The following PIGN variants were observed in gnomAD, a reference collection of about 807,000 sequenced individuals.
PIGN encodes GPI ethanolamine phosphate transferase 1.
Under a neutral mutation model 125.4 loss-of-function variants are expected in PIGN, and 117 were observed. The ratio of observed to expected loss-of-function variants is 0.93; its 90% CI spans 0.80 to 1.09. PIGN has a LOEUF of 1.09. Among genes scored for constraint, PIGN ranks in the 50% least tolerant of loss-of-function variants. The pLI, the probability that PIGN is intolerant of heterozygous loss-of-function variation, is 0.00. For synonymous variants in PIGN, 392 were observed against 377.8 expected, an observed-to-expected ratio of 1.04 and a Z score of -0.44; for missense variants, 1,075 against 1,094.9, an observed-to-expected ratio of 0.98 and a Z score of 0.26.
chr18:62,059,579 T>C (rs1212623296), intron 30 of PIGN, among the ~76,000 whole-genome samples: 1 of 152,212 alleles, frequency 6.6e-6, no homozygotes, highest in East Asian at 1.9e-4. Flanking sequence ...TTTCTGTTTA[T>C]ATGAAATGTC....
chr18:62,130,565 T>G (rs1032122756), intron 14 of PIGN, among the ~76,000 whole-genome samples: 1 of 152,162 alleles, frequency 6.6e-6, no homozygotes, highest in East Asian at 1.9e-4. Flanking sequence ...ATGAGTTGTC[T>G]TAATCTGTGC....
chr18:62,108,987 G>A (rs1348713667), intron 17 of PIGN, among the ~76,000 whole-genome samples: 3 of 152,252 alleles, frequency 2.0e-5, no homozygotes, highest in South Asian at 2.1e-4. Flanking sequence ...ATAGTGTCAC[G>A]ATGCACATGT....
intron 1 of PIGN, among the ~76,000 whole-genome samples, chr18:62,180,091 A>G (rs2037663193): frequency 6.6e-6 from 1 of 152,216 alleles, no homozygotes; most frequent in Admixed American, 6.5e-5. Context: ...GGAGATTTTT[A>G]GAATTTTTAC....
intron 30 of PIGN, among the ~76,000 whole-genome samples, chr18:62,064,870 G>A (rs1403880181): frequency 6.6e-6 from 1 of 151,820 alleles, no homozygotes; most frequent in Non-Finnish European, 1.5e-5. Context: ...GAGGAGAGAA[G>A]AGAAACATGG....
intron 1 of PIGN, among the ~76,000 whole-genome samples, chr18:62,166,119 G>A (rs923672994): frequency 1.3e-5 from 2 of 152,236 alleles, no homozygotes; most frequent in African/African-American, 4.8e-5. Context: ...AGGATAGCAA[G>A]AGGGGATGGA....
intron 19 of PIGN, among the ~76,000 whole-genome samples, chr18:62,106,380 G>GAA (rs5825476): frequency 1.2e-3 from 175 of 147,484 alleles, no homozygotes; most frequent in Admixed American, 1.5e-3. Context: ...TACTTATCCA[G>GAA]AAAAAAAAAA....
intron 14 of PIGN, among the ~76,000 whole-genome samples, chr18:62,116,426 C>A (rs1431875392): frequency 6.6e-6 from 1 of 152,176 alleles, no homozygotes; most frequent in East Asian, 1.9e-4. Flanking sequence ...CTATTGATGA[C>A]CCTCTGCTGC....
intron 14 of PIGN, among the ~76,000 whole-genome samples, chr18:62,120,305 G>T (rs1259306447): frequency 9.2e-5 from 14 of 152,156 alleles, no homozygotes; most frequent in Admixed American, 9.2e-4. Flanking sequence ...TTAAGTTTCT[G>T]AAAGAAAATA....
chr18:62,146,161 C>A, intron 9 of PIGN, 136 bp from the exon 10 acceptor site: 1 of 412,136 alleles, frequency 2.4e-6, no homozygotes, highest in Non-Finnish European at 4.4e-6. Context: ...CAAATGGTTA[C>A]AACCTTTTAT....
chr18:62,182,393 T>G (rs1251081478), intron 1 of PIGN, among the ~76,000 whole-genome samples: 1 of 152,190 alleles, frequency 6.6e-6, no homozygotes. Context: ...ACCTACTAAA[T>G]CCTTAGTGTT....
chr18:62,076,348 A>T (rs1026384973), intron 28 of PIGN, among the ~76,000 whole-genome samples: 1 of 152,048 alleles, frequency 6.6e-6, no homozygotes, highest in Non-Finnish European at 1.5e-5. Flanking sequence ...TAATTAAATT[A>T]TTTTTTTACT....
chr18:62,101,203 AGGTT>A lies in PIGN; in HGVS notation c.1969-24_1969-21del, dbSNP rs1401605296. ...CAGCACCTAAAGACAAAGATGAAAT[AGGTT>A]AAAAAAAGAGAAGGTAGTGAAAGAC... On this transcript the variant is annotated intron_variant, in intron 21 of 30. Coordinates refer to ENST00000640252, the MANE Select transcript of PIGN (RefSeq NM_176787.5). 2 of 1,401,290 alleles carry A rather than the reference AGGTT, an allele frequency of 1.4e-6. No homozygotes were observed. The highest frequency in any genetic ancestry group is 2.8e-5 in the African/African-American group (2 of 71,512). The allele number at this position is 1,401,290 out of a possible 1,614,324, so 86.8% of individuals were successfully genotyped here. A position where few individuals can be genotyped will look rare whatever the true frequency, so the allele number is the denominator to read the frequency against.
At chr18:62,114,381 C>T (rs893398602) in intron 15 of PIGN, among the ~76,000 whole-genome samples, 180 bp downstream of exon 15, 1 of 150,216 alleles carries the variant, frequency 6.7e-6, no homozygotes, top group African/African-American at 2.4e-5. Flanking sequence ...AAAAAATTTA[C>T]CCATAATATT....
intron 15 of PIGN, among the ~76,000 whole-genome samples, chr18:62,113,620 GCTCT>G (rs2146586628): frequency 6.6e-6 from 1 of 152,056 alleles, no homozygotes; most frequent in Admixed American, 6.5e-5. Flanking sequence ...AGAAATGAAG[GCTCT>G]CTAATATAGG....
chr18:62,106,240 C>T (rs1199886573), intron 19 of PIGN, among the ~76,000 whole-genome samples: 1 of 152,170 alleles, frequency 6.6e-6, no homozygotes, highest in East Asian at 1.9e-4. Context: ...TATCTTCCTG[C>T]TACTTCTATC....
At chr18:62,054,170 ATATCACCACACCC>A (rs57911624) in intron 30 of PIGN, among the ~76,000 whole-genome samples, 45,223 of 151,870 alleles carry the variant, frequency 0.3, 7,890 homozygotes, top group East Asian at 0.58. Context: ...CATATACCTG[ATATCACCACACCC>A]TATCAGTGTG....
At chr18:62,088,600 A>C in intron 25 of PIGN, 156 bp downstream of exon 25, 1 of 540,630 alleles carries the variant, frequency 1.8e-6, no homozygotes, top group Non-Finnish European at 3.3e-6. Flanking sequence ...TAGTTCAAAA[A>C]AATTTTTAAT....
intron 23 of PIGN, among the ~76,000 whole-genome samples, chr18:62,095,080 T>A (rs2034122283): frequency 6.6e-6 from 1 of 152,194 alleles, no homozygotes; most frequent in Non-Finnish European, 1.5e-5. Flanking sequence ...TAATGGTGAA[T>A]CCCTAGGTTT....
At chr18:62,054,514 C>T in intron 30 of PIGN, among the ~76,000 whole-genome samples, 1 of 113,682 alleles carries the variant, frequency 8.8e-6, no homozygotes, top group Non-Finnish European at 1.7e-5. Context: ...TTTTTTTAGG[C>T]AGGGTCTTGC....
Sources: gnomAD v4.1 joint callset for allele counts (sites outside exome capture counted in the v4.1 genomes callset) on GRCh38, gnomAD v4.1.1 for gene constraint, MANE v1.5 for transcripts, NCBI Gene and HGNC (gene_info 2026-07-23, HGNC 2026-07-21) for gene names.